The following FAF1 variants were observed in gnomAD, a reference collection of about 807,000 sequenced individuals.
FAF1 encodes FAS-associated factor 1.
FAF1 carries 25 observed loss-of-function variants against 92.5 expected under a neutral mutation model. That is an observed-to-expected ratio of 0.27 (90% confidence interval 0.20 to 0.38). The LOEUF is 0.38. FAF1 is among the 10% of genes least tolerant of loss of function. The probability of loss-of-function intolerance (pLI) is 1.00; values close to 1 mark genes in which losing one functional copy is unlikely to be tolerated. For missense variants in FAF1, 636 were observed against 793.3 expected, an observed-to-expected ratio of 0.80 and a Z score of 2.38; for synonymous variants, 234 against 273.2, an observed-to-expected ratio of 0.86 and a Z score of 1.42.
At chr1:50,720,971 A>G (rs1423584353) in intron 6 of FAF1, among the ~76,000 whole-genome samples, 2 of 152,086 alleles carry the variant, frequency 1.3e-5, no homozygotes, top group African/African-American at 4.8e-5. Context: ...TCATTTGATC[A>G]TTCTTCGAGT....
chr1:50,495,608 C>A lies in FAF1; in HGVS notation c.1495-3807G>T, dbSNP rs571675265. On this transcript the variant is annotated intron_variant, in intron 15 of 18. Coordinates refer to ENST00000396153, the MANE Select transcript of FAF1 (RefSeq NM_007051.3). Reference sequence around the variant, plus strand: ...ATCTCTTTGATATACTGATTTCCCTCCTTTTGGGTATATACCCAGCAGTGG... The same window carrying A: ...ATCTCTTTGATATACTGATTTCCCTACTTTTGGGTATATACCCAGCAGTGG... Among the ~76,000 whole-genome samples, 4 of 152,298 alleles carry A rather than the reference C, an allele frequency of 2.6e-5. No individual in the cohort carries two copies. In the East Asian group the frequency reaches 7.7e-4, roughly 29 times the overall value.
intron 8 of FAF1, among the ~76,000 whole-genome samples, chr1:50,637,681 ATGTGTGTGTGTGTG>A (rs142201244): frequency 2.2e-5 from 3 of 137,098 alleles, no homozygotes; most frequent in African/African-American, 5.6e-5. Context: ...ACATATATAT[ATGTGTGTGTGTGTG>A]TGTGTGTGTG....
chr1:50,742,489 T>A (rs2124492363), intron 5 of FAF1, among the ~76,000 whole-genome samples: 3 of 152,148 alleles, frequency 2.0e-5, no homozygotes, highest in African/African-American at 7.2e-5. Flanking sequence ...GTTCAAGCGA[T>A]TCTTGTGCCT....
intron 17 of FAF1, among the ~76,000 whole-genome samples, chr1:50,476,746 T>C (rs543764897): frequency 6.6e-6 from 1 of 151,886 alleles, no homozygotes; most frequent in South Asian, 2.1e-4. Context: ...AATTAGATTT[T>C]AAAAGCTAAA....
chr1:50,951,956 G>A (rs548016054), intron 1 of FAF1, among the ~76,000 whole-genome samples: 1 of 152,320 alleles, frequency 6.6e-6, no homozygotes, highest in South Asian at 2.1e-4. Flanking sequence ...TAAACGGACA[G>A]AAACTACTTA....
intron 8 of FAF1, among the ~76,000 whole-genome samples, chr1:50,623,707 C>T (rs1022023261): frequency 1.3e-5 from 2 of 151,944 alleles, no homozygotes; most frequent in Non-Finnish European, 1.5e-5. Context: ...TTTGAGAGGC[C>T]AAGGTGGGAG....
chr1:50,934,564 A>C (rs1645072180), intron 1 of FAF1, among the ~76,000 whole-genome samples: 1 of 152,134 alleles, frequency 6.6e-6, no homozygotes, highest in Non-Finnish European at 1.5e-5. Context: ...CTCTACAAAA[A>C]AATTAAAAAA....
At chr1:50,959,591 C>T in intron 1 of FAF1, 176 bp downstream of exon 1, 1 of 448,144 alleles carries the variant, frequency 2.2e-6, no homozygotes, top group South Asian at 3.8e-5. Context: ...CTCATGATAG[C>T]ATATAAATTA....
intron 15 of FAF1, among the ~76,000 whole-genome samples, chr1:50,511,093 TGCATTTAAACACA>T (rs1274210357): frequency 2.0e-5 from 3 of 152,216 alleles, no homozygotes; most frequent in African/African-American, 7.2e-5. Flanking sequence ...GCTCTCCAAA[TGCATTTAAACACA>T]GCAAAAGCAG....
intron 2 of FAF1, among the ~76,000 whole-genome samples, chr1:50,827,316 T>C (rs1470729548): frequency 6.6e-6 from 1 of 152,224 alleles, no homozygotes; most frequent in Non-Finnish European, 1.5e-5. Context: ...AGGCTGTTAA[T>C]CTATAACCTT....
At chr1:50,889,396 C>T (rs1644699921) in intron 1 of FAF1, among the ~76,000 whole-genome samples, 1 of 151,970 alleles carries the variant, frequency 6.6e-6, no homozygotes, top group South Asian at 2.1e-4. Flanking sequence ...TTATTTCTTG[C>T]CTTCTGCTAG....
At chr1:50,784,607 C>T (rs1019796630) in intron 4 of FAF1, among the ~76,000 whole-genome samples, 14 of 152,156 alleles carry the variant, frequency 9.2e-5, no homozygotes, top group African/African-American at 3.4e-4. Flanking sequence ...AATGTCCATA[C>T]TATCCAAAGT....
chr1:50,840,380 T>G (rs1380813989), intron 2 of FAF1, among the ~76,000 whole-genome samples: 1 of 151,906 alleles, frequency 6.6e-6, no homozygotes, highest in Non-Finnish European at 1.5e-5. Flanking sequence ...ACCCACAATA[T>G]ATAAAGAACT....
rs147009094 is a variant in FAF1 at position 50,698,145 on chromosome 1, T to TTG, written c.657+7639_657+7640dup. Among the ~76,000 whole-genome samples the TTG allele has an allele frequency of 6.7e-4, 102 of 151,726 alleles. 1 individual carries two copies. Among genetic ancestry groups the TTG allele is most frequent in the East Asian group, 1.5e-3 (8 of 5,172 alleles). ...CTTACCCATCCTTTGGTTTAATTTC[T>TTG]TGTGTGTGTGTGTGTGTTTGTTTTA... On this transcript the variant is annotated intron_variant, in intron 7 of 18. Coordinates refer to ENST00000396153, the MANE Select transcript of FAF1 (RefSeq NM_007051.3).
intron 3 of FAF1, 128 bp from the exon 4 acceptor site, chr1:50,788,333 G>T: frequency 1.4e-6 from 1 of 729,450 alleles, no homozygotes; most frequent in Non-Finnish European, 2.3e-6. Context: ...GTGTGTCAAG[G>T]CCAGACTTGA....
chr1:50,750,979 T>C (rs1659841852), intron 4 of FAF1, among the ~76,000 whole-genome samples: 1 of 151,268 alleles, frequency 6.6e-6, no homozygotes, highest in South Asian at 2.1e-4. Flanking sequence ...AGCTCTTTTT[T>C]TTTTTAACAT....
In FAF1 at chr1:50,959,782, G is replaced by C. The variant is rs1394231317; in HGVS notation, c.30C>G (p.Ile10Met). The change falls in exon 1 of 19, where the codon ATC becomes ATG. Residue 10 changes from isoleucine to methionine, a missense_variant. This residue lies in a region of FAF1 where 317 missense variants were observed against 342.4 expected (regional missense o/e 0.93). Transcript: ENST00000396153. The stretch of plus-strand genomic sequence containing the variant: ...GATACTTCACCTGAAAATCCGCCAG[G>C]ATCATCTCCCGGTCCATGTTGGACG... MASNMDREM[I>M]LADFQACTGI... 2 of 1,601,648 alleles carry C rather than the reference G, an allele frequency of 1.2e-6. No homozygotes were observed. Among genetic ancestry groups the C allele is most frequent in the South Asian group, 2.2e-5 (2 of 90,076 alleles).
chr1:50,826,490 C>T (rs1051507137), intron 2 of FAF1, among the ~76,000 whole-genome samples: 9 of 150,416 alleles, frequency 6.0e-5, no homozygotes, highest in African/African-American at 4.9e-5. Flanking sequence ...GCAGAGATTG[C>T]AGTGAGCTAA....
At chr1:50,957,392 C>G (rs575870809) in intron 1 of FAF1, among the ~76,000 whole-genome samples, 3 of 138,276 alleles carry the variant, frequency 2.2e-5, no homozygotes, top group African/African-American at 8.3e-5. Context: ...CGCTCTGTCG[C>G]CCAGGCTAGA....
Sources: allele counts gnomAD v4.1 joint callset (sites outside exome capture counted in the v4.1 genomes callset), GRCh38; gene constraint gnomAD v4.1.1; regional missense constraint gnomAD v4.1.1; transcripts MANE v1.5; gene names NCBI Gene and HGNC (gene_info 2026-07-23, HGNC 2026-07-21).